HTR3B: variants seen among roughly 807,000 people sequenced by gnomAD.
HTR3B encodes the protein 5-hydroxytryptamine (serotonin) receptor 3B, ionotropic.
In HTR3B, 44 loss-of-function variants were observed where a neutral mutation model predicts 42.8. The ratio of observed to expected loss-of-function variants is 1.03; its 90% CI spans 0.81 to 1.32. The LOEUF is 1.32. Ranked by LOEUF, HTR3B falls within the 40% of genes most tolerant of loss-of-function variation. The pLI, the probability that HTR3B is intolerant of heterozygous loss-of-function variation, is 0.00. For synonymous variants in HTR3B, 203 were observed against 209.0 expected (o/e 0.97, Z 0.25); for missense variants, 527 against 536.5 (o/e 0.98, Z 0.17).
upstream of HTR3B, among the ~76,000 whole-genome samples, chr11:113,901,237 A>T (rs1184074695): frequency 6.6e-6 from 1 of 152,022 alleles, no homozygotes; most frequent in Admixed American, 6.6e-5. Context: ...AGCTCAGGAG[A>T]TCAAGACCAG....
At chr11:113,918,097 A>T (rs1320924707) in intron 2 of HTR3B, among the ~76,000 whole-genome samples, 1 of 152,130 alleles carries the variant, frequency 6.6e-6, no homozygotes, top group African/African-American at 2.4e-5. Context: ...AACAATATAT[A>T]GTTAGGTACA....
Position 113,943,021 on chromosome 11 carries a change from C to T in HTR3B, c.736C>T (p.Leu246=). 1 of 1,614,098 alleles carries T rather than the reference C, an allele frequency of 6.2e-7. No homozygotes were observed. The highest frequency in any genetic ancestry group is 8.5e-7 in the Non-Finnish European group (1 of 1,180,030). The change falls in exon 7 of 9, where the codon CTG becomes TTG. Residue 246 remains leucine (L), a synonymous_variant. Coordinates refer to ENST00000260191, the MANE Select transcript of HTR3B (RefSeq NM_006028.5). ...GCACCCCCTGGTCTATGTCGTGAGT[C>T]TGCTGATTCCTAGCATCTTTCTCAT... is the stretch of plus-strand genomic sequence containing the variant. The part of the protein sequence containing the change: ...RRHPLVYVVS[L]LIPSIFLMLV...
intron 2 of HTR3B, among the ~76,000 whole-genome samples, chr11:113,912,961 T>A (rs891593452): frequency 2.7e-5 from 4 of 149,944 alleles, no homozygotes; most frequent in Non-Finnish European, 5.9e-5. Flanking sequence ...AGTCTTTTTT[T>A]AGATATTACC....
Position 113,947,743 on chromosome 11 carries a change from G to A in HTR3B, c.*1606G>A, listed in dbSNP as rs1950190494. On this transcript the variant is annotated 3_prime_UTR_variant, in exon 9 of 9. Transcript: ENST00000260191. ...TCAAACAGTCATATTCTGAGTACTA[G>A]GGGTTAGGATGTCAACATATGAATT... Among the ~76,000 whole-genome samples, 1 of 152,106 alleles carries A rather than the reference G, an allele frequency of 6.6e-6. No homozygotes were observed. Among genetic ancestry groups the A allele is most frequent in the African/African-American group, 2.4e-5 (1 of 41,392 alleles).
At chr11:113,907,113 C>A (rs115850428) in intron 1 of HTR3B, among the ~76,000 whole-genome samples, 2,296 of 152,278 alleles carry the variant, frequency 0.015, 65 homozygotes, top group African/African-American at 0.053. Flanking sequence ...GTGTTCTTAT[C>A]TTCCTCCTTT....
chr11:113,920,089 C>T (rs1358550999), intron 2 of HTR3B, among the ~76,000 whole-genome samples: 3 of 151,908 alleles, frequency 2.0e-5, no homozygotes, highest in South Asian at 2.1e-4. Context: ...GGTGCAATGG[C>T]GTGATCTTGG....
intron 7 of HTR3B, among the ~76,000 whole-genome samples, chr11:113,943,835 GAGAAAGAGAGAAAA>G (rs1254220230): frequency 2.0e-5 from 3 of 151,228 alleles, no homozygotes; most frequent in Admixed American, 6.6e-5. Context: ...GGGGAAGGGA[GAGAAAGAGAGAAAA>G]AGAAAGAGAG....
At chr11:113,902,987 G>A (rs1376677820), upstream of HTR3B, among the ~76,000 whole-genome samples, 7 of 152,138 alleles carry the variant, frequency 4.6e-5, no homozygotes, top group African/African-American at 1.4e-4. Context: ...TCCTGCCTCA[G>A]CCTCCCAAGT....
intron 7 of HTR3B, 78 bp downstream of exon 7, chr11:113,943,270 C>T: frequency 2.4e-6 from 3 of 1,225,582 alleles, no homozygotes; most frequent in Non-Finnish European, 1.2e-6. Context: ...GGCATGGTGG[C>T]TCATGCCCGT....
intron 7 of HTR3B, 84 bp downstream of exon 7, chr11:113,943,276 C>A: frequency 8.5e-7 from 1 of 1,175,110 alleles, no homozygotes; most frequent in Non-Finnish European, 1.2e-6. Context: ...GTGGCTCATG[C>A]CCGTAATATC....
chr11:113,912,993 T>C (rs905938446), intron 2 of HTR3B, among the ~76,000 whole-genome samples: 2 of 149,074 alleles, frequency 1.3e-5, no homozygotes, highest in Admixed American at 6.7e-5. Flanking sequence ...ATAATATGTA[T>C]TTAAATCATT....
At position 113,946,082 on chromosome 11, in the gene HTR3B, TG is replaced by T; in HGVS notation, c.1275del (p.Ile426SerfsTer19). The T allele has an allele frequency of 2.6e-6, 4 of 1,565,938 alleles. No individual in the cohort carries two copies. The highest frequency in any genetic ancestry group is 3.5e-6 in the Non-Finnish European group (4 of 1,155,828). On this transcript the variant is annotated frameshift_variant, in exon 9 of 9. Coordinates refer to ENST00000260191, the MANE Select transcript of HTR3B (RefSeq NM_006028.5). LOFTEE classifies it high-confidence loss of function. ...CTCTTCCAAAGCTACCTTTTCATGC[TG>T]GGGATCTACACCATCACTCTGTGCT... ...RLLFQSYLFM[L>X]GIYTITLCSL...
intron 1 of HTR3B, among the ~76,000 whole-genome samples, chr11:113,905,498 G>A (rs1425023786): frequency 2.0e-5 from 3 of 152,154 alleles, no homozygotes; most frequent in Admixed American, 6.6e-5. Flanking sequence ...CTATATAGGT[G>A]ATGAGTATAT....
At chr11:113,916,288 C>T (rs1175054088) in intron 2 of HTR3B, among the ~76,000 whole-genome samples, 2 of 152,122 alleles carry the variant, frequency 1.3e-5, no homozygotes, top group African/African-American at 4.8e-5. Flanking sequence ...GGTAATATGT[C>T]TGCTCAAATC....
At chr11:113,931,301 C>T (rs1950032691) in intron 2 of HTR3B, 83 bp from the exon 3 acceptor site, 2 of 979,772 alleles carry the variant, frequency 2.0e-6, no homozygotes, top group Non-Finnish European at 1.6e-6. Flanking sequence ...TGATTTTCTT[C>T]TTCTGAATTT....
intron 6 of HTR3B, among the ~76,000 whole-genome samples, chr11:113,937,313 T>G (rs1950099464): frequency 6.6e-6 from 1 of 152,180 alleles, no homozygotes. Flanking sequence ...ACACTTCCAT[T>G]ATATTGGAAC....
chr11:113,906,376 A>G (rs1427281696), intron 1 of HTR3B, among the ~76,000 whole-genome samples: 1 of 152,176 alleles, frequency 6.6e-6, no homozygotes, highest in East Asian at 1.9e-4. Flanking sequence ...TTCACCACTC[A>G]CCAGCCACGT....
chr11:113,912,896 G>GT (rs201067949), intron 2 of HTR3B, among the ~76,000 whole-genome samples: 26 of 149,122 alleles, frequency 1.7e-4, no homozygotes, highest in South Asian at 2.1e-4. Context: ...TGGGTCATTG[G>GT]TTTTTTTTTA....
intron 2 of HTR3B, among the ~76,000 whole-genome samples, chr11:113,928,362 T>C (rs1355290642): frequency 6.6e-6 from 1 of 152,236 alleles, no homozygotes; most frequent in Non-Finnish European, 1.5e-5. Flanking sequence ...CATTCAACGA[T>C]AACTTTCCCT....
Sources: gnomAD v4.1 joint callset for allele counts (sites outside exome capture counted in the v4.1 genomes callset) on GRCh38, gnomAD v4.1.1 for gene constraint, MANE v1.5 for transcripts, NCBI Gene and HGNC (gene_info 2026-07-23, HGNC 2026-07-21) for gene names.